SMPD4: variants seen among roughly 807,000 people sequenced by gnomAD.
SMPD4 encodes sphingomyelin phosphodiesterase 4, also known as neutral sphingomyelinase 3.
A neutral mutation model predicts 97.8 loss-of-function variants in SMPD4; 58 were observed. That is an observed-to-expected ratio of 0.59 (90% CI 0.48 to 0.74). The LOEUF (loss-of-function observed/expected upper bound fraction) is 0.74. Ranked by LOEUF, SMPD4 falls within the 30% of genes least tolerant of loss-of-function variation. SMPD4 has a pLI of 0.00. For synonymous variants in SMPD4, 388 were observed against 450.0 expected (o/e 0.86, Z 1.74); for missense variants, 853 against 1,080.5 (o/e 0.79, Z 2.95).
rs1686408052 is a variant in SMPD4 at position 130,153,230 on chromosome 2, G to A, written c.2026-59C>T. ...ACACAGCCCCACACACAACTCAGAG[G>A]AGCCTGATGGCCTCTGCTCACAAGG... On this transcript the variant is annotated intron_variant, in intron 18 of 19. Transcript: ENST00000680298. 6.2e-6 allele frequency: 10 copies of A among 1,612,924 alleles called. No individual in the cohort carries two copies. The Admixed American group carries it at 6.7e-5, about 11-fold the overall frequency.
rs747433356 is a variant in SMPD4, at chr2:130,156,104, G to A, written c.1220C>T (p.Pro407Leu). Reference protein sequence around the residue: ...VLEMWLSYLQPWRYAPDKQAP... With the variant: ...VLEMWLSYLQLWRYAPDKQAP... ...CTGCTTGTCAGGCGCGTACCGCCAC[G>A]GCTGCAGGTAGCTCAGCCACATCTC... Residue 407 changes from proline (P) to leucine (L), a missense_variant, in exon 14 of 20, where the codon CCG becomes CTG. This residue lies in a region of SMPD4 where 511 missense variants were observed against 608.1 expected (regional missense o/e 0.84). Transcript: ENST00000680298. The A allele has an allele frequency of 8.7e-6, 14 of 1,611,106 alleles. No individual in the cohort carries two copies. The highest frequency in any genetic ancestry group is 1.7e-5 in the Admixed American group (1 of 60,002).
chr2:130,161,677 G>T (rs550574294), intron 10 of SMPD4, among the ~76,000 whole-genome samples: 1 of 152,294 alleles, frequency 6.6e-6, no homozygotes, highest in East Asian at 1.9e-4. Flanking sequence ...CCCAGTGACT[G>T]AGGTCACACT....
intron 11 of SMPD4, chr2:130,157,644 G>T (rs897247746): frequency 8.1e-5 from 56 of 694,870 alleles, no homozygotes; most frequent in Non-Finnish European, 1.2e-4. Flanking sequence ...CGCCCACACA[G>T]CCCTGGGGAG....
At position 130,152,770 on chromosome 2, in the gene SMPD4, G is replaced by A. The variant is rs200524745; in HGVS notation, c.2269C>T (p.Arg757Trp). 6 of 1,606,480 alleles carry A rather than the reference G, an allele frequency of 3.7e-6. No individual in the cohort carries two copies. Among genetic ancestry groups the A allele is most frequent in the Middle Eastern group, 1.8e-4 (1 of 5,684 alleles). The change falls in exon 20 of 20, where the codon CGG becomes TGG. Residue 757 changes from arginine (R) to tryptophan (W), a missense_variant. By Grantham distance (101) the Arg-to-Trp change is moderately radical. This residue lies in a region of SMPD4 where 511 missense variants were observed against 608.1 expected (regional missense o/e 0.84). Coordinates refer to ENST00000680298, the MANE Select transcript of SMPD4 (RefSeq NM_017951.5). ...ASRHLLSPVG[R>W]RQVAGHTRGP... ...CGGGTGTGGCCGGCCACCTGCCTCC[G>A]CCCCACAGGGCTCAGCAGGTGCCTG... is the stretch of plus-strand genomic sequence containing the variant.
At chr2:130,164,477 C>A (rs1388398274) in intron 9 of SMPD4, 32 bp from the exon 10 acceptor site, 1 of 1,589,398 alleles carries the variant, frequency 6.3e-7, no homozygotes, top group South Asian at 1.1e-5. Flanking sequence ...TCAAACCATT[C>A]TTGACAATGG....
chr2:130,165,566 G>A (rs1181114932), intron 9 of SMPD4, among the ~76,000 whole-genome samples: 1 of 152,192 alleles, frequency 6.6e-6, no homozygotes, highest in Non-Finnish European at 1.5e-5. Flanking sequence ...CTGTAACATG[G>A]ATTAATCTTT....
At position 130,173,356 on chromosome 2, in the gene SMPD4, T is replaced by G; in HGVS notation, c.270-2A>C. On this transcript the variant is annotated splice_acceptor_variant, in intron 4 of 19. Coordinates refer to ENST00000680298, the MANE Select transcript of SMPD4 (RefSeq NM_017951.5). LOFTEE classifies it high-confidence loss of function. ...TAAACCAACTTCATCATTGGGCCAC[T>G]GAACACGAAATTGAACAAACAAACA... The G allele has an allele frequency of 6.2e-7, 1 of 1,611,972 alleles. No homozygotes were observed. The highest frequency in any genetic ancestry group is 8.5e-7 in the Non-Finnish European group (1 of 1,179,318).
intron 9 of SMPD4, 106 bp from the exon 10 acceptor site, chr2:130,164,551 C>T: frequency 1.1e-6 from 1 of 895,708 alleles, no homozygotes. Flanking sequence ...ACACAGAATA[C>T]CCATGTGCAG....
At chr2:130,176,993 A>C (rs542448794) in intron 1 of SMPD4, among the ~76,000 whole-genome samples, 1 of 152,320 alleles carries the variant, frequency 6.6e-6, no homozygotes, top group Admixed American at 6.5e-5. Context: ...CCTGGCCCTA[A>C]CAAAATATTA....
intron 1 of SMPD4, among the ~76,000 whole-genome samples, chr2:130,180,247 GC>G (rs1689414918): frequency 6.6e-6 from 1 of 151,682 alleles, no homozygotes; most frequent in Non-Finnish European, 1.5e-5. Flanking sequence ...ACAAGCGTGA[GC>G]CACTGCGCCC....
intron 10 of SMPD4, among the ~76,000 whole-genome samples, chr2:130,163,773 C>T (rs1687655598): frequency 6.6e-6 from 1 of 152,228 alleles, no homozygotes; most frequent in Admixed American, 6.5e-5. Context: ...TGACCCAGGG[C>T]CTCCGCCACC....
chr2:130,180,604 A>C (rs757461092), intron 1 of SMPD4, among the ~76,000 whole-genome samples: 1 of 152,222 alleles, frequency 6.6e-6, no homozygotes, highest in Non-Finnish European at 1.5e-5. Flanking sequence ...CTGCAGTGTT[A>C]AAGAAAAACG....
chr2:130,158,454 C>T lies in SMPD4; in HGVS notation c.952-1058G>A, dbSNP rs199781439. On this transcript the variant is annotated intron_variant, in intron 11 of 19. Coordinates refer to ENST00000680298, the MANE Select transcript of SMPD4 (RefSeq NM_017951.5). Reference sequence around the variant, plus strand: ...GACTCAGCCTCCTGAGTAGCTGGGACGACAAGTGTGTGCCACCATGCCCAG... The same window carrying T: ...GACTCAGCCTCCTGAGTAGCTGGGATGACAAGTGTGTGCCACCATGCCCAG... Among the ~76,000 whole-genome samples, 188 of 151,316 alleles carry T rather than the reference C, an allele frequency of 1.2e-3. 1 individual carries two copies. The highest frequency in any genetic ancestry group is 3.5e-3 in the Middle Eastern group (1 of 286).
At chr2:130,170,600 CA>C (rs1688360809) in intron 8 of SMPD4, among the ~76,000 whole-genome samples, 1 of 151,646 alleles carries the variant, frequency 6.6e-6, no homozygotes, top group African/African-American at 2.4e-5. Context: ...ACCCATCTTA[CA>C]AAAAAATAAA....
At chr2:130,174,761 T>A (rs1333171642) in intron 3 of SMPD4, among the ~76,000 whole-genome samples, 153 bp downstream of exon 3, 1 of 152,212 alleles carries the variant, frequency 6.6e-6, no homozygotes, top group East Asian at 1.9e-4. Context: ...CATGTTTAAA[T>A]GTGTCCGTAA....
intron 13 of SMPD4, 36 bp from the exon 14 acceptor site, chr2:130,156,171 G>A (rs1303441985): frequency 6.4e-7 from 1 of 1,567,716 alleles, no homozygotes; most frequent in Non-Finnish European, 8.7e-7. Flanking sequence ...CTCCGTGGCT[G>A]GGGGCCAAAT....
At chr2:130,155,946 G>A (rs1432259733) in intron 14 of SMPD4, 89 bp downstream of exon 14, 7 of 1,372,902 alleles carry the variant, frequency 5.1e-6, no homozygotes, top group Non-Finnish European at 7.1e-6. Context: ...GCTGACCCCA[G>A]CACAGGCCGC....
At position 130,151,973 on chromosome 2, in the gene SMPD4, C is replaced by T. The variant is rs1406530293; in HGVS notation, c.*582G>A. The T allele has an allele frequency of 6.5e-6, 1 of 153,190 alleles. No individual in the cohort carries two copies. The highest frequency in any genetic ancestry group is 2.4e-5 in the African/African-American group (1 of 41,438). 9.5% of individuals were successfully genotyped at this position (153,190 alleles called of 1,614,324 possible). On this transcript the variant is annotated 3_prime_UTR_variant, in exon 20 of 20. Transcript: ENST00000680298. ...TCTTAGGCTCCTGAAACATGGAATT[C>T]TACGGCCCAGTCTTGGAACAGCTGG... is the stretch of plus-strand genomic sequence containing the variant.
intron 10 of SMPD4, among the ~76,000 whole-genome samples, chr2:130,162,785 C>A (rs1278432022): frequency 6.6e-6 from 1 of 152,256 alleles, no homozygotes; most frequent in Non-Finnish European, 1.5e-5. Context: ...TTCTCTGACT[C>A]CCACCCACCA....
Sources: gnomAD v4.1 joint callset for allele counts (sites outside exome capture counted in the v4.1 genomes callset) on GRCh38, gnomAD v4.1.1 for gene constraint, gnomAD v4.1.1 regional missense constraint, MANE v1.5 for transcripts, NCBI Gene and HGNC (gene_info 2026-07-23, HGNC 2026-07-21) for gene names.